MTAP: variants seen among roughly 807,000 people sequenced by gnomAD.
The protein encoded by MTAP is S-methyl-5'-thioadenosine phosphorylase.
MTAP carries 33 observed loss-of-function variants against 33.6 expected under a neutral mutation model. That is an observed-to-expected ratio of 0.98 (90% CI 0.74 to 1.31). MTAP has a LOEUF of 1.31. Ranked by LOEUF, MTAP falls within the 40% of genes most tolerant of loss-of-function variation. The pLI, the probability that MTAP is intolerant of heterozygous loss-of-function variation, is 0.00. For synonymous variants in MTAP, 148 were observed against 125.7 expected (o/e 1.18, Z -1.19); for missense variants, 367 against 360.0 (o/e 1.02, Z -0.16).
intron 7 of MTAP, chr9:21,860,195 T>A (rs1489292465): frequency 6.6e-6 from 1 of 152,206 alleles, no homozygotes; most frequent in African/African-American, 2.4e-5. Flanking sequence ...GCCACAGTTT[T>A]AGTATAATGA....
chr9:21,904,517 C>T (rs536929281), intron 1 of MTAP, among the ~76,000 whole-genome samples: 1 of 152,274 alleles, frequency 6.6e-6, no homozygotes, highest in East Asian at 1.9e-4. Context: ...GCTGGTCGTA[C>T]TCTGTTGAAC....
intron 1 of MTAP, among the ~76,000 whole-genome samples, chr9:21,898,885 A>C (rs1221112838): frequency 6.6e-6 from 1 of 152,156 alleles, no homozygotes; most frequent in African/African-American, 2.4e-5. Flanking sequence ...ATTACTGGGT[A>C]TATACCCAAA....
intron 5 of MTAP, among the ~76,000 whole-genome samples, chr9:21,847,017 C>T (rs983919834): frequency 8.5e-5 from 13 of 152,100 alleles, no homozygotes; most frequent in Non-Finnish European, 1.8e-4. Context: ...GGCAGACCCA[C>T]CCTTAATGTG....
At chr9:21,915,080 C>CT (rs1224477941) in intron 1 of MTAP, among the ~76,000 whole-genome samples, 1 of 122,602 alleles carries the variant, frequency 8.2e-6, no homozygotes, top group African/African-American at 4.0e-5. Context: ...TTCTTTCTTT[C>CT]TTTCCTTTCT....
chr9:21,895,579 A>G (rs1025139717), intron 1 of MTAP, among the ~76,000 whole-genome samples: 2 of 152,160 alleles, frequency 1.3e-5, no homozygotes, highest in African/African-American at 4.8e-5. Context: ...GTTGTGACAG[A>G]TGGTACCTGG....
chr9:21,931,026 A>G lies in MTAP; in HGVS notation c.166A>G (p.Ile56Val), dbSNP rs745313380. The change falls in exon 2 of 2, where the codon ATC becomes GTC. Residue 56 changes from isoleucine to valine, a missense_variant. By Grantham distance (29) the Ile-to-Val change is conservative (BLOSUM62 3). Transcript: ENST00000577563. ...CCTTTAGATGATCAAGTTCCAGATG[A>G]TCCTCAGTGAGGGATACCATCCTTT... 3.1e-5 allele frequency: 24 copies of G among 763,726 alleles called. No individual in the cohort carries two copies. In the African/African-American group the frequency reaches 3.9e-4, roughly 12 times the overall value. 47.3% of individuals were successfully genotyped at this position (763,726 alleles called of 1,614,324 possible).
intron 1 of MTAP, among the ~76,000 whole-genome samples, chr9:21,894,695 T>A (rs1021206701): frequency 6.6e-6 from 1 of 151,848 alleles, no homozygotes; most frequent in Non-Finnish European, 1.5e-5. Flanking sequence ...TGTATACATA[T>A]GTAACAAACC....
chr9:21,855,645 A>T (rs1563848493), intron 6 of MTAP, among the ~76,000 whole-genome samples: 1 of 152,160 alleles, frequency 6.6e-6, no homozygotes, highest in Non-Finnish European at 1.5e-5. Context: ...TCAGGCAGGG[A>T]AGGCAGCAGG....
At chr9:21,889,097 C>T (rs992072533) in intron 1 of MTAP, among the ~76,000 whole-genome samples, 9 of 151,952 alleles carry the variant, frequency 5.9e-5, no homozygotes, top group African/African-American at 2.2e-4. Flanking sequence ...ATTTCTCTTC[C>T]TTCTCAAGAA....
intron 1 of MTAP, among the ~76,000 whole-genome samples, chr9:21,878,288 T>C (rs1324552669): frequency 1.3e-5 from 2 of 152,122 alleles, no homozygotes; most frequent in African/African-American, 2.4e-5. Context: ...ATCTGAGTTA[T>C]TCTTTTAAAG....
At chr9:21,853,054 T>C (rs1366258026) in intron 5 of MTAP, among the ~76,000 whole-genome samples, 2 of 152,200 alleles carry the variant, frequency 1.3e-5, no homozygotes, top group Non-Finnish European at 2.9e-5. Context: ...TTAGCTGTTC[T>C]TGAAGGAATG....
chr9:21,837,623 A>G (rs1825142833), intron 4 of MTAP, among the ~76,000 whole-genome samples: 1 of 152,224 alleles, frequency 6.6e-6, no homozygotes, highest in African/African-American at 2.4e-5. Context: ...CTGAGCCCAC[A>G]GTTGAGTTGC....
chr9:21,917,570 T>C (rs1403581998), intron 1 of MTAP, among the ~76,000 whole-genome samples: 1 of 152,110 alleles, frequency 6.6e-6, no homozygotes, highest in East Asian at 1.9e-4. Context: ...GGAATGGCCA[T>C]AATTAAAAAG....
At chr9:21,934,304 C>G (rs1271739285), downstream of MTAP, 1 of 152,206 alleles carries the variant, frequency 6.6e-6, no homozygotes, top group Non-Finnish European at 1.5e-5. This position sits in a 1 kb window ranked among gnomAD's most constrained non-coding sequence, Gnocchi z 5.0. Flanking sequence ...TCAATCTTGT[C>G]TACCTGTTAA....
At chr9:21,804,174 A>G (rs1251384977) in intron 1 of MTAP, among the ~76,000 whole-genome samples, 1 of 152,232 alleles carries the variant, frequency 6.6e-6, no homozygotes, top group East Asian at 1.9e-4. Flanking sequence ...TGCACATGGT[A>G]GAAGCTTATT....
intron 1 of MTAP, among the ~76,000 whole-genome samples, chr9:21,895,404 C>G (rs970799132): frequency 2.6e-5 from 4 of 152,210 alleles, no homozygotes; most frequent in African/African-American, 9.6e-5. Flanking sequence ...CAGCTTCCAG[C>G]ATGAGCAATG....
intron 5 of MTAP, among the ~76,000 whole-genome samples, chr9:21,850,655 A>G (rs754554003): frequency 6.6e-6 from 1 of 152,112 alleles, no homozygotes; most frequent in Admixed American, 6.5e-5. Context: ...GCAGATAACT[A>G]TTCTCCTTTC....
intron 1 of MTAP, among the ~76,000 whole-genome samples, chr9:21,900,548 C>G (rs1053971788): frequency 1.3e-5 from 2 of 152,150 alleles, no homozygotes; most frequent in Admixed American, 6.5e-5. Flanking sequence ...GAAAATGGGA[C>G]ACTAATACAC....
At chr9:21,906,450 C>T (rs978335703) in intron 1 of MTAP, among the ~76,000 whole-genome samples, 19 of 151,476 alleles carry the variant, frequency 1.3e-4, no homozygotes, top group South Asian at 4.2e-4. Context: ...CCAGAATGCA[C>T]GAGAGGAGAG....
Sources: gnomAD v4.1 joint callset for allele counts (sites outside exome capture counted in the v4.1 genomes callset) on GRCh38, gnomAD v4.1.1 for gene constraint, Gnocchi (gnomAD v3.1) non-coding constraint, MANE v1.5 for transcripts, NCBI Gene and HGNC (gene_info 2026-07-23, HGNC 2026-07-21) for gene names.